TTC3: variants seen among roughly 807,000 people sequenced by gnomAD.
The protein encoded by TTC3 is E3 ubiquitin-protein ligase TTC3.
A neutral mutation model predicts 249.6 loss-of-function variants in TTC3; 180 were observed. That is an observed-to-expected ratio of 0.72 (90% CI 0.64 to 0.82). TTC3 has a LOEUF of 0.82. Among genes scored for constraint, TTC3 ranks in the 40% least tolerant of loss-of-function variants. The pLI is 0.00. For synonymous variants in TTC3, 717 were observed against 805.0 expected, an observed-to-expected ratio of 0.89 and a Z score of 1.85; for missense variants, 2,061 against 2,398.4, an observed-to-expected ratio of 0.86 and a Z score of 2.94.
At chr21:37,111,057 C>T (rs1005672128) in intron 11 of TTC3, among the ~76,000 whole-genome samples, 1 of 152,096 alleles carries the variant, frequency 6.6e-6, no homozygotes, top group Admixed American at 6.5e-5. Flanking sequence ...GAAGGAAGCA[C>T]TAAACATGGA....
chr21:37,076,694 A>ATTTTTTTTTTTTTTTTT (rs61629167), intron 1 of TTC3, among the ~76,000 whole-genome samples: 10 of 95,006 alleles, frequency 1.1e-4, no homozygotes, highest in African/African-American at 4.7e-4. Flanking sequence ...AAACAAAGGG[A>ATTTTTTTTTTTTTTTTT]TTTTTTTTTT....
chr21:37,183,595 TG>T (rs1361670456), intron 36 of TTC3, among the ~76,000 whole-genome samples: 22 of 152,296 alleles, frequency 1.4e-4, no homozygotes, highest in African/African-American at 4.1e-4. Flanking sequence ...CTGCTGGTCT[TG>T]CCAGGAGTCC....
chr21:37,148,523 TA>T (rs749695269), intron 22 of TTC3, 22 bp from the exon 23 acceptor site: 4 of 1,469,882 alleles, frequency 2.7e-6, no homozygotes, highest in South Asian at 1.3e-5. Flanking sequence ...AAACGTTAAT[TA>T]AAAAATTTTT....
At chr21:37,097,498 G>T (rs991375047) in intron 10 of TTC3, among the ~76,000 whole-genome samples, 1 of 152,150 alleles carries the variant, frequency 6.6e-6, no homozygotes, top group South Asian at 2.1e-4. Context: ...TCCTGCATAG[G>T]TATTAGTTAT....
At chr21:37,106,758 A>G (rs1395957866) in intron 10 of TTC3, among the ~76,000 whole-genome samples, 2 of 152,208 alleles carry the variant, frequency 1.3e-5, no homozygotes, top group African/African-American at 2.4e-5. Flanking sequence ...TTAGCTAGGC[A>G]TGATGGCATG....
At chr21:37,178,460 TATC>T (rs2082456981) in intron 35 of TTC3, among the ~76,000 whole-genome samples, 1 of 152,182 alleles carries the variant, frequency 6.6e-6, no homozygotes, top group African/African-American at 2.4e-5. Context: ...CACTTACACT[TATC>T]ATCGTTTGTC....
At chr21:37,175,750 G>A (rs928950854) in intron 35 of TTC3, among the ~76,000 whole-genome samples, 7 of 151,710 alleles carry the variant, frequency 4.6e-5, no homozygotes, top group East Asian at 1.9e-4. Context: ...ATTCTCTGCC[G>A]GCGGAAAAGT....
intron 36 of TTC3, among the ~76,000 whole-genome samples, chr21:37,184,268 A>G (rs1014545903): frequency 1.3e-5 from 2 of 152,360 alleles, no homozygotes; most frequent in East Asian, 1.9e-4. Context: ...CAATTCAGAC[A>G]TACTGTCAAA....
chr21:37,082,874 C>T, intron 1 of TTC3: 4 of 974,576 alleles, frequency 4.1e-6, no homozygotes, highest in Non-Finnish European at 4.9e-6. Context: ...TTTTATGGTA[C>T]CAAGCAAGCT....
chr21:37,184,469 T>G (rs1602068193), intron 36 of TTC3, among the ~76,000 whole-genome samples: 2 of 152,162 alleles, frequency 1.3e-5, no homozygotes, highest in East Asian at 3.9e-4. Context: ...TGCTTTTTTT[T>G]TTGAGACAGA....
In TTC3 at chr21:37,172,743, A is replaced by G. The variant is rs1303387176; in HGVS notation, c.4616A>G (p.Lys1539Arg). The G allele has an allele frequency of 3.1e-6, 5 of 1,613,748 alleles. No homozygotes were observed. Among genetic ancestry groups the G allele is most frequent in the Admixed American group, 3.3e-5 (2 of 59,978 alleles). The change falls in exon 35 of 46, where the codon AAG becomes AGG. Residue 1539 changes from lysine to arginine, a missense_variant and splice_region_variant. Lys to Arg is a conservative substitution (Grantham distance 26, BLOSUM62 2). Around this residue, in one of 3 missense-constraint regions of TTC3, gnomAD observed 1,040 missense variants for 1,186.1 expected, o/e 0.88. Transcript: ENST00000355666. ...TTGAAAAGGCACTTAGAAGAAAACA[A>G]GGTAATCCTGTCTGAAACCTGTCTT...
intron 21 of TTC3, among the ~76,000 whole-genome samples, chr21:37,147,179 T>G (rs1320145530): frequency 6.6e-6 from 1 of 152,176 alleles, no homozygotes; most frequent in East Asian, 1.9e-4. Context: ...TTATGGAAGA[T>G]TTCTGAGAGC....
At chr21:37,159,253 A>T (rs2080437260) in intron 28 of TTC3, among the ~76,000 whole-genome samples, 1 of 50,246 alleles carries the variant, frequency 2.0e-5, no homozygotes, top group South Asian at 9.6e-4. Context: ...TCTACCTCAG[A>T]GCTTCTTTGC....
At chr21:37,083,443 C>A in intron 1 of TTC3, 1 of 975,812 alleles carries the variant, frequency 1.0e-6, no homozygotes, top group Non-Finnish European at 1.2e-6. Flanking sequence ...AGTTAGGAGA[C>A]TGCTTGTTAA....
intron 20 of TTC3, among the ~76,000 whole-genome samples, chr21:37,144,264 A>G (rs8134130): frequency 0.021 from 3,162 of 152,124 alleles, 102 homozygotes; most frequent in African/African-American, 0.073. Context: ...ATATATATAA[A>G]CAACAAACAA....
chr21:37,116,538 A>G (rs1256605951), intron 11 of TTC3, among the ~76,000 whole-genome samples: 1 of 152,132 alleles, frequency 6.6e-6, no homozygotes, highest in Non-Finnish European at 1.5e-5. Flanking sequence ...GCCAGGCATG[A>G]TGGCTCACAC....
At chr21:37,134,954 A>G (rs540904734) in intron 17 of TTC3, among the ~76,000 whole-genome samples, 3 of 152,322 alleles carry the variant, frequency 2.0e-5, no homozygotes, top group Admixed American at 6.5e-5. Flanking sequence ...GCAGGATGGC[A>G]GTTGTTAAAA....
At chr21:37,121,702 C>A in intron 11 of TTC3, 115 bp from the exon 12 acceptor site, 1 of 965,346 alleles carries the variant, frequency 1.0e-6, no homozygotes, top group Non-Finnish European at 1.5e-6. Context: ...TGGTAGGGAC[C>A]TAATCTAATA....
At chr21:37,180,770 T>G (rs1455944071) in intron 35 of TTC3, among the ~76,000 whole-genome samples, 7 of 137,358 alleles carry the variant, frequency 5.1e-5, no homozygotes, top group Non-Finnish European at 9.5e-5. Flanking sequence ...TAAAAAAAAA[T>G]GGCTTTATAA....
Sources: allele counts gnomAD v4.1 joint callset (sites outside exome capture counted in the v4.1 genomes callset), GRCh38; gene constraint gnomAD v4.1.1; regional missense constraint gnomAD v4.1.1; transcripts MANE v1.5; gene names NCBI Gene and HGNC (gene_info 2026-07-23, HGNC 2026-07-21).